The following THOC2 variants were observed in gnomAD, a reference collection of about 807,000 sequenced individuals.
THOC2 encodes the protein THO complex subunit 2, also known as THO complex 2.
In THOC2, 10 loss-of-function variants were observed where a neutral mutation model predicts 128.4. The ratio of observed to expected loss-of-function variants is 0.08; its 90% CI spans 0.05 to 0.13. The LOEUF is 0.13. Among genes scored for constraint, THOC2 ranks in the 10% least tolerant of loss-of-function variants. The probability of loss-of-function intolerance (pLI) is 1.00; values close to 1 mark genes in which losing one functional copy is unlikely to be tolerated. For missense variants in THOC2, 535 were observed against 1,155.7 expected (o/e 0.46, Z 7.79); for synonymous variants, 393 against 396.9 (o/e 0.99, Z 0.12).
chrX:123,650,184 C>T (rs1030765691), intron 12 of THOC2, among the ~76,000 whole-genome samples: 1 of 111,530 alleles, frequency 9.0e-6, no homozygotes, highest in Non-Finnish European at 1.9e-5. Flanking sequence ...TTTTCAACCC[C>T]GAATTTCATA....
At chrX:123,686,466 T>C (rs2050006210) in intron 8 of THOC2, 82 bp downstream of exon 8, 2 of 832,945 alleles carry the variant, frequency 2.4e-6, no homozygotes, top group Admixed American at 6.8e-5. Flanking sequence ...GACCAATCAT[T>C]TACAAATAAA....
intron 38 of THOC2, among the ~76,000 whole-genome samples, chrX:123,605,192 G>A (rs757134191): frequency 3.6e-5 from 4 of 111,643 alleles, no homozygotes; most frequent in Non-Finnish European, 1.9e-5. Flanking sequence ...GGATAATTAT[G>A]TGTGTAGGGG....
At chrX:123,626,399 G>T in intron 24 of THOC2, 122 bp downstream of exon 24, 1 of 735,162 alleles carries the variant, frequency 1.4e-6, no homozygotes, top group Non-Finnish European at 1.9e-6. Flanking sequence ...AATAACCAAA[G>T]AATGGGATAG....
At position 123,681,971 on chromosome X, in the gene THOC2, A is replaced by C. The variant is rs749448936; in HGVS notation, c.768+4577T>G. Among the ~76,000 whole-genome samples the C allele has an allele frequency of 2.7e-5, 3 of 111,822 alleles. No homozygotes were observed. In the South Asian group the frequency reaches 1.1e-3, roughly 42 times the overall value. The stretch of plus-strand genomic sequence containing the variant: ...CTACTCAGGAGGCTGAGGCAGGAGA[A>C]TCGCTTAAACCCAGGAGGCAGAGGT... On this transcript the variant is annotated intron_variant, in intron 8 of 38. Coordinates refer to ENST00000245838, the MANE Select transcript of THOC2 (RefSeq NM_001081550.2).
At chrX:123,666,478 C>T (rs1465172765) in intron 11 of THOC2, among the ~76,000 whole-genome samples, 2 of 111,404 alleles carry the variant, frequency 1.8e-5, no homozygotes, top group Non-Finnish European at 3.8e-5. Context: ...GTGACACTGA[C>T]GGCAGCAACC....
chrX:123,644,087 A>G (rs1229741349), intron 15 of THOC2, among the ~76,000 whole-genome samples: 2 of 112,557 alleles, frequency 1.8e-5, no homozygotes, highest in Non-Finnish European at 3.8e-5. Context: ...ATATGAAAAT[A>G]AAAGTGTACA....
intron 1 of THOC2, among the ~76,000 whole-genome samples, chrX:123,730,971 C>CA (rs892201582): frequency 8.9e-6 from 1 of 112,211 alleles, no homozygotes; most frequent in Admixed American, 9.4e-5. Flanking sequence ...GTAAAACTGT[C>CA]AAAAAACAGT....
At chrX:123,646,548 A>T (rs1470728576) in intron 12 of THOC2, among the ~76,000 whole-genome samples, 1 of 112,388 alleles carries the variant, frequency 8.9e-6, no homozygotes, top group Admixed American at 9.4e-5. Flanking sequence ...CACTTCAGTA[A>T]TATAATGGAT....
chrX:123,708,069 A>G (rs2051011578), intron 2 of THOC2, among the ~76,000 whole-genome samples: 1 of 110,415 alleles, frequency 9.1e-6, no homozygotes, highest in South Asian at 3.9e-4. Flanking sequence ...CAAAGTTGCA[A>G]TGAGTTGTGA....
chrX:123,669,115 A>G (rs754644052), intron 9 of THOC2, among the ~76,000 whole-genome samples: 1 of 109,912 alleles, frequency 9.1e-6, no homozygotes, highest in East Asian at 2.9e-4. Context: ...CAGTAAATGA[A>G]AATAATAATG....
chrX:123,613,823 T>G, intron 34 of THOC2, 115 bp from the exon 35 acceptor site: 2 of 763,195 alleles, frequency 2.6e-6, no homozygotes, highest in Admixed American at 5.3e-5. Context: ...TTGCAGTAGT[T>G]TCACATACTT....
intron 12 of THOC2, among the ~76,000 whole-genome samples, chrX:123,649,705 A>G (rs2048278240): frequency 9.0e-6 from 1 of 110,660 alleles, no homozygotes; most frequent in South Asian, 3.9e-4. Flanking sequence ...AAAGGATATC[A>G]GAGACTGAAG....
At chrX:123,684,960 C>T (rs781604027) in intron 8 of THOC2, among the ~76,000 whole-genome samples, 1 of 112,372 alleles carries the variant, frequency 8.9e-6, no homozygotes, top group African/African-American at 3.2e-5. Flanking sequence ...AACCTCAGTG[C>T]CTAGCAAACA....
At chrX:123,607,317 C>G (rs1339443252) in intron 38 of THOC2, among the ~76,000 whole-genome samples, 1 of 110,681 alleles carries the variant, frequency 9.0e-6, no homozygotes, top group Non-Finnish European at 1.9e-5. Flanking sequence ...GCTCTGTCAC[C>G]CATGCTGGAG....
intron 1 of THOC2, among the ~76,000 whole-genome samples, chrX:123,722,755 C>T (rs1380494756): frequency 9.0e-6 from 1 of 111,338 alleles, no homozygotes; most frequent in Non-Finnish European, 1.9e-5. Flanking sequence ...AGTTGTAACA[C>T]ATGCAGTGTA....
chrX:123,701,692 C>CA (rs397972574), intron 4 of THOC2, among the ~76,000 whole-genome samples: 8,235 of 81,097 alleles, frequency 0.1, 790 homozygotes, highest in African/African-American at 0.3. Context: ...TATTTATTTG[C>CA]AAAAAAAAAA....
At chrX:123,726,526 A>C (rs1397546742) in intron 1 of THOC2, among the ~76,000 whole-genome samples, 1 of 110,384 alleles carries the variant, frequency 9.1e-6, no homozygotes, top group African/African-American at 3.3e-5. Flanking sequence ...AAAAAAAAAA[A>C]AAAACTTCTC....
chrX:123,627,681 AC>A lies in THOC2; in HGVS notation c.2757+11del, dbSNP rs2047316760. 1 of 1,208,910 alleles carries A rather than the reference AC, an allele frequency of 8.3e-7. No individual in the cohort carries two copies. Among genetic ancestry groups the A allele is most frequent in the East Asian group, 3.0e-5 (1 of 33,816 alleles). ...AAGTTATTGCACTTGAACTACTAGAACAAAAACCTACCATTTCCTGATTGTC... is the reference window on the plus strand; with the variant it reads ...AAGTTATTGCACTTGAACTACTAGAAAAAAACCTACCATTTCCTGATTGTC... On this transcript the variant is annotated intron_variant, in intron 23 of 38. Transcript: ENST00000245838.
intron 29 of THOC2, 51 bp from the exon 30 acceptor site, chrX:123,622,911 T>C (rs1224996855): frequency 2.0e-6 from 2 of 1,002,192 alleles, no homozygotes; most frequent in Admixed American, 5.6e-5. Flanking sequence ...GTAAATAAGC[T>C]ACAATTTCAG....
Sources: gnomAD v4.1 joint callset for allele counts (sites outside exome capture counted in the v4.1 genomes callset) on GRCh38, gnomAD v4.1.1 for gene constraint, MANE v1.5 for transcripts, NCBI Gene and HGNC (gene_info 2026-07-23, HGNC 2026-07-21) for gene names.